NEBL: variants seen among roughly 807,000 people sequenced by gnomAD.
The protein encoded by NEBL is LIM and SH3 protein 2.
Under a neutral mutation model 140.2 loss-of-function variants are expected in NEBL, and 122 were observed. The observed-to-expected ratio is 0.87, with a 90% CI of 0.75 to 1.01. NEBL has a LOEUF of 1.01. Ranked by LOEUF, NEBL falls within the 50% of genes least tolerant of loss-of-function variation. The pLI, the probability that NEBL is intolerant of heterozygous loss-of-function variation, is 0.00. For missense variants in NEBL, 1,365 were observed against 1,231.3 expected (o/e 1.11, Z -1.62); for synonymous variants, 436 against 398.9 (o/e 1.09, Z -1.11).
chr10:21,179,385 T>C (rs1841352158), upstream of NEBL, among the ~76,000 whole-genome samples: 1 of 152,160 alleles, frequency 6.6e-6, no homozygotes. Flanking sequence ...GGCCAGCTGC[T>C]CTGAAGGGCC....
At position 21,135,315 on chromosome 10, in the gene NEBL, C is replaced by T. The variant is rs761686833; in HGVS notation, c.164+37068G>A. 9.0e-4 allele frequency among the ~76,000 whole-genome samples: 137 copies of T among 152,186 alleles called. 2 individuals are homozygous for T. Among genetic ancestry groups the T allele is most frequent in the Non-Finnish European group, 1.1e-3 (76 of 68,040 alleles). ...CAGGGCCAATGCTGACAGGACAGCC[C>T]GTCCTCCCTTAACTCCTTTGTGTGG... On this transcript the variant is annotated intron_variant, in intron 2 of 6. Coordinates refer to the NEBL transcript ENST00000417816.
chr10:20,985,239 C>A (rs149887562), intron 3 of NEBL, among the ~76,000 whole-genome samples: 4 of 152,046 alleles, frequency 2.6e-5, no homozygotes, highest in African/African-American at 9.7e-5. Flanking sequence ...GGTTGGTGAC[C>A]GCTATGGTGA....
intron 3 of NEBL, among the ~76,000 whole-genome samples, chr10:21,245,790 G>T (rs1387435902): frequency 6.6e-6 from 1 of 152,162 alleles, no homozygotes; most frequent in Non-Finnish European, 1.5e-5. Flanking sequence ...CCACCTCCTG[G>T]GTTCACACCA....
intron 1 of NEBL, among the ~76,000 whole-genome samples, chr10:21,268,222 A>G (rs1842820255): frequency 6.6e-6 from 1 of 152,106 alleles, no homozygotes; most frequent in South Asian, 2.1e-4. Flanking sequence ...TAATCCCAGC[A>G]CTTTGGGAGG....
At chr10:20,940,887 A>G (rs570130881) in intron 4 of NEBL, among the ~76,000 whole-genome samples, 3 of 152,370 alleles carry the variant, frequency 2.0e-5, no homozygotes, top group South Asian at 4.1e-4. Flanking sequence ...CTAAACCAGG[A>G]AGAAGTTGAA....
At chr10:21,169,107 T>TATATATATATATATATATA (rs1840965027) in intron 2 of NEBL, among the ~76,000 whole-genome samples, 1 of 121,892 alleles carries the variant, frequency 8.2e-6, no homozygotes, top group Non-Finnish European at 1.7e-5. Flanking sequence ...TATATATATA[T>TATATATATATATATATATA]TTGGACATAT....
At chr10:21,073,184 G>A (rs773422026) in intron 2 of NEBL, among the ~76,000 whole-genome samples, 6 of 152,192 alleles carry the variant, frequency 3.9e-5, no homozygotes, top group Non-Finnish European at 8.8e-5. Context: ...TCATCAGGGC[G>A]CAGTAGTTCA....
At chr10:20,852,962 AAGGT>A (rs1478490037) in intron 9 of NEBL, among the ~76,000 whole-genome samples, 15 of 152,246 alleles carry the variant, frequency 9.9e-5, no homozygotes. Context: ...CATGCGGAAA[AAGGT>A]AAAGTGGGGA....
chr10:21,093,847 T>C (rs1837037294), intron 2 of NEBL, among the ~76,000 whole-genome samples: 3 of 152,242 alleles, frequency 2.0e-5, no homozygotes, highest in Non-Finnish European at 2.9e-5. Context: ...TTAGCCTTCA[T>C]TGCATGTGTT....
chr10:21,174,076 G>T, exon 1 of NEBL: 5 of 1,065,260 alleles, frequency 4.7e-6, no homozygotes, highest in Non-Finnish European at 5.7e-6. Context: ...CTCCGGCTCC[G>T]CGCCGCTGGC....
At chr10:20,852,303 G>T (rs949913411) in intron 10 of NEBL, among the ~76,000 whole-genome samples, 1 of 152,144 alleles carries the variant, frequency 6.6e-6, no homozygotes, top group Non-Finnish European at 1.5e-5. Flanking sequence ...TTTTAATTAT[G>T]TGAATTAACG....
chr10:20,871,854 C>T (rs1844971397), intron 5 of NEBL, among the ~76,000 whole-genome samples: 1 of 151,962 alleles, frequency 6.6e-6, no homozygotes, highest in Non-Finnish European at 1.5e-5. Context: ...ATTCCATTGG[C>T]TTCAAAAAGC....
intron 3 of NEBL, among the ~76,000 whole-genome samples, chr10:20,979,750 G>A (rs1041508092): frequency 2.6e-4 from 39 of 152,150 alleles, no homozygotes; most frequent in African/African-American, 8.7e-4. Context: ...TCTGTCACCT[G>A]CGCTGGAATA....
In NEBL at chr10:20,969,539, CT is replaced by C. The variant is rs1215089070; in HGVS notation, c.250-7761del. Among the ~76,000 whole-genome samples, 104 of 131,262 alleles carry C rather than the reference CT, an allele frequency of 7.9e-4. 2 individuals carry two copies. The South Asian group carries it at 0.024, about 31-fold the overall frequency. The allele number at this position is 131,262 out of a possible 152,430, so 86.1% of individuals were successfully genotyped here. A position where few individuals can be genotyped will look rare whatever the true frequency, so the allele number is the denominator to read the frequency against. ...AAATACATTAAAAATGACTTTTTTT[CT>C]TTTCTTTTTTTTTTTTTTTTTTTGA... On this transcript the variant is annotated intron_variant, in intron 3 of 6. Transcript: ENST00000417816.
chr10:21,179,597 T>A (rs1217221107), upstream of NEBL, among the ~76,000 whole-genome samples: 5 of 152,164 alleles, frequency 3.3e-5, no homozygotes, highest in Non-Finnish European at 7.3e-5. Flanking sequence ...ATCATTAAAG[T>A]TTCTCTGCTG....
intron 7 of NEBL, chr10:20,867,883 T>C (rs947906474): frequency 1.1e-4 from 16 of 152,044 alleles, no homozygotes; most frequent in African/African-American, 3.9e-4. Flanking sequence ...ACTGATTATT[T>C]AATCTCTCAC....
At chr10:20,907,840 T>C (rs1848162273) in intron 4 of NEBL, among the ~76,000 whole-genome samples, 1 of 152,226 alleles carries the variant, frequency 6.6e-6, no homozygotes, top group South Asian at 2.1e-4. Flanking sequence ...CAATTGGTAC[T>C]TTAAAACTGC....
chr10:20,802,227 G>A (rs551441724), intron 26 of NEBL, among the ~76,000 whole-genome samples: 1 of 152,314 alleles, frequency 6.6e-6, no homozygotes, highest in South Asian at 2.1e-4. Flanking sequence ...GATACACATT[G>A]CAGGCAATGA....
At chr10:21,185,010 A>C (rs751399493) in intron 3 of NEBL, among the ~76,000 whole-genome samples, 4 of 152,172 alleles carry the variant, frequency 2.6e-5, no homozygotes, top group African/African-American at 9.7e-5. Context: ...GAAGATTGCT[A>C]TCTTACCTTC....
Sources: gnomAD v4.1 joint callset for allele counts (sites outside exome capture counted in the v4.1 genomes callset) on GRCh38, gnomAD v4.1.1 for gene constraint, MANE v1.5 for transcripts, NCBI Gene and HGNC (gene_info 2026-07-23, HGNC 2026-07-21) for gene names.